The following ASAP1 variants were observed in gnomAD, a reference collection of about 807,000 sequenced individuals.
ASAP1 encodes the protein ArfGAP with SH3 domain, ankyrin repeat and PH domain 1.
ASAP1 carries 43 observed loss-of-function variants against 145.2 expected under a neutral mutation model. That is an observed-to-expected ratio of 0.30 (90% CI 0.23 to 0.38). ASAP1 has a LOEUF of 0.38. ASAP1 is among the 10% of genes least tolerant of loss of function. The probability of loss-of-function intolerance (pLI) is 1.00; values close to 1 mark genes in which losing one functional copy is unlikely to be tolerated. For synonymous variants in ASAP1, 546 were observed against 515.5 expected, an observed-to-expected ratio of 1.06 and a Z score of -0.80; for missense variants, 1,018 against 1,355.3, an observed-to-expected ratio of 0.75 and a Z score of 3.91.
chr8:130,240,450 G>T (rs1338274411), intron 3 of ASAP1, among the ~76,000 whole-genome samples: 2 of 152,064 alleles, frequency 1.3e-5, no homozygotes, highest in African/African-American at 4.8e-5. Context: ...GTCTAAGTGT[G>T]CTACAAAGTT....
intron 3 of ASAP1, among the ~76,000 whole-genome samples, chr8:130,351,357 G>A (rs1344089684): frequency 6.6e-6 from 1 of 152,196 alleles, no homozygotes; most frequent in African/African-American, 2.4e-5. Flanking sequence ...GTATTCATAT[G>A]TAAAGCAATA....
chr8:130,443,377 CGA>C (rs1269855938), intron 1 of ASAP1, 81 bp downstream of exon 1: 1 of 151,356 alleles, frequency 6.6e-6, no homozygotes, highest in Admixed American at 6.6e-5. Context: ...CTTCTTCGCG[CGA>C]GAGACTGGGC....
chr8:130,217,693 T>C (rs953894406), intron 4 of ASAP1, among the ~76,000 whole-genome samples: 6 of 152,206 alleles, frequency 3.9e-5, no homozygotes, highest in African/African-American at 9.6e-5. Context: ...TTAATATTTG[T>C]TGACCTGGAT....
chr8:130,112,189 G>A lies in ASAP1; in HGVS notation c.2306C>T (p.Ala769Val), dbSNP rs746186185. 6.2e-6 allele frequency: 10 copies of A among 1,614,048 alleles called. No homozygotes were observed. The highest frequency in any genetic ancestry group is 1.7e-5 in the Admixed American group (1 of 59,998). The change falls in exon 24 of 30, where the codon GCC (alanine) becomes GTC (valine). Residue 769 changes from alanine to valine, a missense_variant. Ala to Val is a moderately conservative substitution (Grantham distance 64). Around this residue, in one of 9 missense-constraint regions of ASAP1, gnomAD observed 353 missense variants for 375.4 expected, o/e 0.94. Coordinates refer to ENST00000518721, the MANE Select transcript of ASAP1 (RefSeq NM_018482.4). ...PRDKQRLSYGAFTNQIFVSTS... is the reference protein window; with the variant it reads ...PRDKQRLSYGVFTNQIFVSTS... ...GGAAACGAAGATCTGGTTGGTGAAG[G>A]CTCCATAGGAGAGCCGCTGTTTGTC...
intron 2 of ASAP1, among the ~76,000 whole-genome samples, chr8:130,381,928 C>T: frequency 6.6e-6 from 1 of 152,206 alleles, no homozygotes; most frequent in East Asian, 1.9e-4. Context: ...TCCTCCCACC[C>T]TAATCCCCAT....
intron 1 of ASAP1, 79 bp from the exon 2 acceptor site, chr8:130,402,049 C>G (rs994936103): frequency 2.1e-6 from 2 of 936,450 alleles, no homozygotes; most frequent in African/African-American, 1.6e-5. Context: ...AGACCAAGAT[C>G]GGATTTCATA....
intron 3 of ASAP1, among the ~76,000 whole-genome samples, chr8:130,261,027 T>C (rs150925111): frequency 9.0e-4 from 137 of 152,276 alleles, no homozygotes; most frequent in African/African-American, 3.2e-3. Flanking sequence ...TATTCAATTA[T>C]ATATTCTCAA....
chr8:130,162,473 C>T (rs1159979329), intron 11 of ASAP1, among the ~76,000 whole-genome samples: 1 of 152,084 alleles, frequency 6.6e-6, no homozygotes, highest in African/African-American at 2.4e-5. Context: ...GAAAATTACT[C>T]AATTATGAAT....
chr8:130,279,681 T>C (rs1295413344), intron 3 of ASAP1, among the ~76,000 whole-genome samples: 3 of 152,220 alleles, frequency 2.0e-5, no homozygotes, highest in East Asian at 3.8e-4. Flanking sequence ...CTTTCTCTAT[T>C]GTAAAAATAT....
intron 13 of ASAP1, among the ~76,000 whole-genome samples, chr8:130,144,367 C>T (rs1445758668): frequency 6.6e-6 from 1 of 152,162 alleles, no homozygotes; most frequent in African/African-American, 2.4e-5. Context: ...TGCAATGACT[C>T]TATGAGTTAG....
intron 3 of ASAP1, among the ~76,000 whole-genome samples, chr8:130,357,268 C>G (rs557973768): frequency 2.4e-4 from 36 of 152,210 alleles, no homozygotes; most frequent in African/African-American, 8.7e-4. Flanking sequence ...ACTGTCGCCT[C>G]GGGCCTCCCT....
chr8:130,209,796 T>C (rs1202375448), intron 5 of ASAP1, among the ~76,000 whole-genome samples: 1 of 98,138 alleles, frequency 1.0e-5, no homozygotes, highest in African/African-American at 3.0e-5. Context: ...GTGGAACACC[T>C]TTTTTTTTGA....
intron 24 of ASAP1, 53 bp from the exon 25 acceptor site, chr8:130,092,196 C>T (rs539301683): frequency 7.0e-5 from 106 of 1,520,922 alleles, no homozygotes; most frequent in Non-Finnish European, 8.9e-5. Context: ...CTCACAGATA[C>T]AAAACAGCCA....
At chr8:130,441,905 G>A (rs1565318463) in intron 1 of ASAP1, among the ~76,000 whole-genome samples, 1 of 152,178 alleles carries the variant, frequency 6.6e-6, no homozygotes, top group Non-Finnish European at 1.5e-5. Context: ...CAAGTCTAGA[G>A]AACATCAGAG....
chr8:130,428,729 T>C (rs1305493468), intron 1 of ASAP1, among the ~76,000 whole-genome samples: 1 of 144,444 alleles, frequency 6.9e-6, no homozygotes, highest in East Asian at 2.1e-4. Context: ...TCATCATCAC[T>C]ACCAACATCA....
At chr8:130,155,097 A>G (rs1403155756) in intron 12 of ASAP1, among the ~76,000 whole-genome samples, 1 of 152,164 alleles carries the variant, frequency 6.6e-6, no homozygotes, top group East Asian at 1.9e-4. Flanking sequence ...CAATCAAACT[A>G]TTCAACCTTC....
chr8:130,178,134 TAAGA>T (rs776127891), intron 9 of ASAP1, among the ~76,000 whole-genome samples: 12 of 152,238 alleles, frequency 7.9e-5, no homozygotes, highest in Non-Finnish European at 1.6e-4. Context: ...TTGAAAAGAA[TAAGA>T]AAGATCAAAG....
chr8:130,278,751 A>G (rs1475341558), intron 3 of ASAP1, among the ~76,000 whole-genome samples: 1 of 152,236 alleles, frequency 6.6e-6, no homozygotes, highest in African/African-American at 2.4e-5. Flanking sequence ...TGGGTGAAAC[A>G]GAAGAGAGGG....
At chr8:130,135,815 ATTTC>A (rs2097593247) in intron 14 of ASAP1, among the ~76,000 whole-genome samples, 1 of 152,132 alleles carries the variant, frequency 6.6e-6, no homozygotes, top group African/African-American at 2.4e-5. Context: ...AAATTTTCCT[ATTTC>A]TTTCTCATCA....
Sources: gnomAD v4.1 joint callset for allele counts (sites outside exome capture counted in the v4.1 genomes callset) on GRCh38, gnomAD v4.1.1 for gene constraint, gnomAD v4.1.1 regional missense constraint, MANE v1.5 for transcripts, NCBI Gene and HGNC (gene_info 2026-07-23, HGNC 2026-07-21) for gene names.